COL7A1: variants seen among roughly 807,000 people sequenced by gnomAD.
COL7A1 encodes the protein collagen alpha-1(VII) chain.
A neutral mutation model predicts 456.2 loss-of-function variants in COL7A1; 296 were observed. The observed-to-expected ratio is 0.65, with a 90% confidence interval of 0.59 to 0.71. The LOEUF (loss-of-function observed/expected upper bound fraction) is 0.71. Ranked by LOEUF, COL7A1 falls within the 30% of genes least tolerant of loss-of-function variation. The probability of loss-of-function intolerance (pLI) is 0.00; values close to 1 mark genes in which losing one functional copy is unlikely to be tolerated. For missense variants in COL7A1, 3,441 were observed against 4,017.2 expected (o/e 0.86, Z 3.88); for synonymous variants, 1,464 against 1,525.9 (o/e 0.96, Z 0.95).
In COL7A1 at chr3:48,587,746, G is replaced by T. The variant is rs200080609; in HGVS notation, c.2857+47C>A. On this transcript the variant is annotated intron_variant, in intron 22 of 118. Transcript: ENST00000681320. This position sits in a 1 kb window ranked among gnomAD's most constrained non-coding sequence, Gnocchi z 6.1. ...CAGAGTCGGGGTGCAGGAAGTCAGG[G>T]TGGGTCATCAGCAGGGGAGGAGCAC... The T allele has an allele frequency of 6.2e-7, 1 of 1,613,260 alleles. No individual in the cohort carries two copies. Among genetic ancestry groups the T allele is most frequent in the Non-Finnish European group, 8.5e-7 (1 of 1,179,864 alleles).
intron 47 of COL7A1, 71 bp from the exon 48 acceptor site, chr3:48,582,014 G>A: frequency 6.2e-7 from 1 of 1,601,276 alleles, no homozygotes; most frequent in South Asian, 1.1e-5. Context: ...TCATTGGAAT[G>A]GAGGTCACAT....
In COL7A1 at chr3:48,571,210, G is replaced by C; in HGVS notation, c.7104+33C>G. ...CAAGCTCAGGGAGTCTCACGACCAG[G>C]ACCCCAGCAGGGACCCTTCTGGGTA... On this transcript the variant is annotated intron_variant, in intron 93 of 118. Transcript: ENST00000681320. The surrounding 1 kb of genome is among the most constrained non-coding windows in gnomAD (Gnocchi z 4.6). 1.2e-6 allele frequency: 2 copies of C among 1,614,092 alleles called. No homozygotes were observed. Among genetic ancestry groups the C allele is most frequent in the Non-Finnish European group, 1.7e-6 (2 of 1,180,028 alleles).
In COL7A1 at chr3:48,579,501, A is replaced by C; in HGVS notation, c.5250T>G (p.Phe1750Leu). The C allele has an allele frequency of 6.2e-7, 1 of 1,613,990 alleles. No individual in the cohort carries two copies. The highest frequency in any genetic ancestry group is 8.5e-7 in the Non-Finnish European group (1 of 1,180,008). The change falls in exon 60 of 119, where the codon TTT (phenylalanine) becomes TTG (leucine). Residue 1750 changes from phenylalanine (F) to leucine (L), a missense_variant. Physicochemically the swap from Phe to Leu is conservative, Grantham distance 22. Transcript: ENST00000681320. This position sits in a 1 kb window ranked among gnomAD's most constrained non-coding sequence, Gnocchi z 4.4. The stretch of plus-strand genomic sequence containing the variant: ...TCACCTGTGGGCCTGGGGGTCCCCG[A>C]AACCCTTCAATGCCCTGAGGATAGG... Reference protein sequence around the residue: ...GAPGERGIEGFRGPPGPQGDP... With the variant: ...GAPGERGIEGLRGPPGPQGDP...
At position 48,578,819 on chromosome 3, in the gene COL7A1, C is replaced by T. The variant is rs371994788; in HGVS notation, c.5424+100G>A. 2.0e-4 allele frequency: 263 copies of T among 1,298,314 alleles called. 1 individual carries two copies. In the Middle Eastern group the frequency reaches 3.7e-3, roughly 18 times the overall value. 80.4% of individuals were successfully genotyped at this position (1,298,314 alleles called of 1,614,324 possible). A position where few individuals can be genotyped will look rare whatever the true frequency, so the allele number is the denominator to read the frequency against. On this transcript the variant is annotated intron_variant, in intron 63 of 118. Coordinates refer to ENST00000681320, the MANE Select transcript of COL7A1 (RefSeq NM_000094.4). The surrounding 1 kb of genome is among the most constrained non-coding windows in gnomAD (Gnocchi z 4.7). ...GACCCTCCCAAAGGCAAGGCTGAAC[C>T]GACCCCCCACCAACTCTCTCGGATG...
intron 47 of COL7A1, 61 bp downstream of exon 47, chr3:48,582,262 A>G (rs201784901): frequency 3.5e-5 from 56 of 1,612,570 alleles, no homozygotes; most frequent in Non-Finnish European, 4.1e-5. Flanking sequence ...ATAGTGTTCT[A>G]TAGGAGGGTC....
At position 48,576,665 on chromosome 3, in the gene COL7A1, A is replaced by G. The variant is rs1427855770; in HGVS notation, c.5700+11T>C. On this transcript the variant is annotated intron_variant, in intron 68 of 118. Coordinates refer to ENST00000681320, the MANE Select transcript of COL7A1 (RefSeq NM_000094.4). ...ATGCTCTGAAGTCCCAGAATGACCCAGGACACTCACCTGGCCAGGAGGGCC... is the reference window on the plus strand; with the variant it reads ...ATGCTCTGAAGTCCCAGAATGACCCGGGACACTCACCTGGCCAGGAGGGCC... 1 of 1,601,850 alleles carries G rather than the reference A, an allele frequency of 6.2e-7. No individual in the cohort carries two copies. The highest frequency in any genetic ancestry group is 1.1e-5 in the South Asian group (1 of 89,478).
Position 48,594,354 on chromosome 3 carries a change from G to C in COL7A1, c.266+14C>G, listed in dbSNP as rs1411818749. 1 of 1,606,236 alleles carries C rather than the reference G, an allele frequency of 6.2e-7. No individual in the cohort carries two copies. Among genetic ancestry groups the C allele is most frequent in the Non-Finnish European group, 8.5e-7 (1 of 1,179,112 alleles). On this transcript the variant is annotated intron_variant, in intron 3 of 118. Transcript: ENST00000681320. This position sits in a 1 kb window ranked among gnomAD's most constrained non-coding sequence, Gnocchi z 5.5. ...GGGATCTCGTGGTCCCCAGCCCCCA[G>C]GGCCCCTACTCACCGTGGGTCATCG... is the stretch of plus-strand genomic sequence containing the variant.
At chr3:48,589,764 G>T (rs2045560281) in intron 16 of COL7A1, 46 bp from the exon 17 acceptor site, 1 of 1,613,538 alleles carries the variant, frequency 6.2e-7, no homozygotes, top group Middle Eastern at 1.7e-4. Context: ...AGGCAGGAAG[G>T]AGTGGGGCTA....
Position 48,594,958 on chromosome 3 carries a change from C to A in COL7A1, c.85+117G>T, listed in dbSNP as rs1226557771. The A allele has an allele frequency of 5.9e-6, 5 of 854,024 alleles. No homozygotes were observed. Among genetic ancestry groups the A allele is most frequent in the Non-Finnish European group, 9.3e-6 (5 of 540,538 alleles). The allele number at this position is 854,024 out of a possible 1,614,324, so 52.9% of individuals were successfully genotyped here. On this transcript the variant is annotated intron_variant, in intron 2 of 118. Coordinates refer to ENST00000681320, the MANE Select transcript of COL7A1 (RefSeq NM_000094.4). This position sits in a 1 kb window ranked among gnomAD's most constrained non-coding sequence, Gnocchi z 5.5. ...GAGTCCCAGAATTAGGAGGAATCCG[C>A]GGGGCGTCGTGGAGTTGGCTGGGTT...
In COL7A1 at chr3:48,594,240, G is replaced by T. The variant is rs1575496986; in HGVS notation, c.266+128C>A. ...TCTCCAAAGGAGGTCCTGGCTAGGGGGTCTCTAGGTTCCCCAAAACTTGTT... is the reference window on the plus strand; with the variant it reads ...TCTCCAAAGGAGGTCCTGGCTAGGGTGTCTCTAGGTTCCCCAAAACTTGTT... On this transcript the variant is annotated intron_variant, in intron 3 of 118. Coordinates refer to ENST00000681320, the MANE Select transcript of COL7A1 (RefSeq NM_000094.4). This position sits in a 1 kb window ranked among gnomAD's most constrained non-coding sequence, Gnocchi z 5.5. The T allele has an allele frequency of 1.9e-6, 2 of 1,074,588 alleles. No homozygotes were observed. The highest frequency in any genetic ancestry group is 2.4e-5 in the East Asian group (1 of 41,946). The allele number at this position is 1,074,588 out of a possible 1,614,324, so 66.6% of individuals were successfully genotyped here. A position where few individuals can be genotyped will look rare whatever the true frequency, so the allele number is the denominator to read the frequency against.
chr3:48,593,456 C>T lies in COL7A1; in HGVS notation c.427-7G>A. Reference sequence around the variant, plus strand: ...CTGTGATCAGGATGCAGACCTGGGACAGGTGCAGGGGTCAAATCACGGTTC... The same window carrying T: ...CTGTGATCAGGATGCAGACCTGGGATAGGTGCAGGGGTCAAATCACGGTTC... On this transcript the variant is annotated splice_polypyrimidine_tract_variant and splice_region_variant and intron_variant, in intron 4 of 118. Coordinates refer to ENST00000681320, the MANE Select transcript of COL7A1 (RefSeq NM_000094.4). The surrounding 1 kb of genome is among the most constrained non-coding windows in gnomAD (Gnocchi z 4.4). The T allele has an allele frequency of 6.2e-7, 1 of 1,614,094 alleles. No individual in the cohort carries two copies. Among genetic ancestry groups the T allele is most frequent in the Non-Finnish European group, 8.5e-7 (1 of 1,180,034 alleles).
Position 48,583,684 on chromosome 3 carries a change from C to T in COL7A1, c.4341+34G>A, listed in dbSNP as rs1372332100. 1.2e-6 allele frequency: 2 copies of T among 1,613,780 alleles called. No individual in the cohort carries two copies. Among genetic ancestry groups the T allele is most frequent in the Non-Finnish European group, 1.7e-6 (2 of 1,179,876 alleles). ...GCCCCCAGCACGCAGCCTCCCACCCCAGAACTGGGACATCATCAAGTCAGC... is the reference window on the plus strand; with the variant it reads ...GCCCCCAGCACGCAGCCTCCCACCCTAGAACTGGGACATCATCAAGTCAGC... On this transcript the variant is annotated intron_variant, in intron 40 of 118. Coordinates refer to ENST00000681320, the MANE Select transcript of COL7A1 (RefSeq NM_000094.4). This position sits in a 1 kb window ranked among gnomAD's most constrained non-coding sequence, Gnocchi z 5.1.
chr3:48,565,936 CAG>C lies in COL7A1; in HGVS notation c.8408-270_8408-269del, dbSNP rs1038298104. On this transcript the variant is annotated intron_variant, in intron 114 of 118. Transcript: ENST00000681320. This position sits in a 1 kb window ranked among gnomAD's most constrained non-coding sequence, Gnocchi z 4.5. ...CACAGAAACAGGCAGGTGGTGCAGA[CAG>C]AGACGGGAAGAGACAGCTTCACTCT... 1.3e-5 allele frequency among the ~76,000 whole-genome samples: 2 copies of C among 152,156 alleles called. No homozygotes were observed. The highest frequency in any genetic ancestry group is 2.9e-5 in the Non-Finnish European group (2 of 68,024).
At position 48,575,197 on chromosome 3, in the gene COL7A1, C is replaced by A. The variant is rs769882067; in HGVS notation, c.6216+10G>T. The A allele has an allele frequency of 2.2e-5, 35 of 1,613,900 alleles. No homozygotes were observed. The highest frequency in any genetic ancestry group is 2.8e-5 in the Non-Finnish European group (33 of 1,179,992). ...AGACAGCCTGCCCCACGAAGCCCATCGCAGCCCACCTGTTCTCCACGTTCT... is the reference window on the plus strand; with the variant it reads ...AGACAGCCTGCCCCACGAAGCCCATAGCAGCCCACCTGTTCTCCACGTTCT... On this transcript the variant is annotated intron_variant, in intron 75 of 118. Coordinates refer to ENST00000681320, the MANE Select transcript of COL7A1 (RefSeq NM_000094.4). This position sits in a 1 kb window ranked among gnomAD's most constrained non-coding sequence, Gnocchi z 6.3.
In COL7A1 at chr3:48,569,439, C is replaced by T. The variant is rs373917369; in HGVS notation, c.7622G>A (p.Arg2541Gln). ...GTCACCATCCAAGCCCCGAGGCCCTCGTTCACCCTGGGTTGGTTTGGGTAA... is the reference window on the plus strand; with the variant it reads ...GTCACCATCCAAGCCCCGAGGCCCTTGTTCACCCTGGGTTGGTTTGGGTAA... ...PRGAKGDMGE[R>Q]GPRGLDGDKG... The change falls in exon 103 of 119, where the codon CGA becomes CAA. Residue 2541 changes from arginine (R) to glutamine (Q), a missense_variant. By Grantham distance (43) the Arg-to-Gln change is conservative (BLOSUM62 1). This residue lies in a region of COL7A1 where 2,084 missense variants were observed against 2,501.3 expected (regional missense o/e 0.83). Transcript: ENST00000681320. The surrounding 1 kb of genome is among the most constrained non-coding windows in gnomAD (Gnocchi z 4.9). 5.6e-6 allele frequency: 9 copies of T among 1,614,080 alleles called. No individual in the cohort carries two copies. Among genetic ancestry groups the T allele is most frequent in the Middle Eastern group, 1.6e-4 (1 of 6,082 alleles).
At position 48,568,626 on chromosome 3, in the gene COL7A1, G is replaced by T. The variant is rs2043725710; in HGVS notation, c.7759-92C>A. ...TGTGTGGCCACTCAGATGCTCAGCG[G>T]CCAGGGCCCAGGCCACACACAGATC... On this transcript the variant is annotated intron_variant, in intron 104 of 118. Transcript: ENST00000681320. This position sits in a 1 kb window ranked among gnomAD's most constrained non-coding sequence, Gnocchi z 5.2. The T allele has an allele frequency of 4.6e-6, 7 of 1,513,236 alleles. No homozygotes were observed. Among genetic ancestry groups the T allele is most frequent in the Non-Finnish European group, 6.3e-6 (7 of 1,112,978 alleles). 93.7% of individuals were successfully genotyped at this position (1,513,236 alleles called of 1,614,324 possible).
At position 48,581,918 on chromosome 3, in the gene COL7A1, C is replaced by T. The variant is rs2107715075; in HGVS notation, c.4661G>A (p.Gly1554Glu). The T allele has an allele frequency of 6.2e-7, 1 of 1,614,068 alleles. No individual in the cohort carries two copies. Among genetic ancestry groups the T allele is most frequent in the Admixed American group, 1.7e-5 (1 of 60,028 alleles). ...VVGPAVAGPK[G>E]EKGDVGPAGP... ...GCCCCATACCAGGCTTACCTTTTCT[C>T]CTTTGGGTCCAGCAACAGCAGGTCC... Residue 1554 changes from glycine (G) to glutamate (E), a missense_variant, in exon 48 of 119, where the codon GGA becomes GAA. Physicochemically the swap from Gly to Glu is moderately conservative, Grantham distance 98 (BLOSUM62 -2). Coordinates refer to ENST00000681320, the MANE Select transcript of COL7A1 (RefSeq NM_000094.4). The surrounding 1 kb of genome is among the most constrained non-coding windows in gnomAD (Gnocchi z 5.8).
In COL7A1 at chr3:48,578,983, A is replaced by G. The variant is rs780211193; in HGVS notation, c.5389-29T>C. ...AGGAGAGACTCAAAGTCAGTTCATCATGGTCATGGGGTCAGGGGCTCTAGT... is the reference window on the plus strand; with the variant it reads ...AGGAGAGACTCAAAGTCAGTTCATCGTGGTCATGGGGTCAGGGGCTCTAGT... On this transcript the variant is annotated intron_variant, in intron 62 of 118. Transcript: ENST00000681320. This position sits in a 1 kb window ranked among gnomAD's most constrained non-coding sequence, Gnocchi z 4.7. 2 of 1,613,862 alleles carry G rather than the reference A, an allele frequency of 1.2e-6. No homozygotes were observed. The highest frequency in any genetic ancestry group is 1.1e-5 in the South Asian group (1 of 91,082).
In COL7A1 at chr3:48,568,002, C is replaced by T. The variant is rs1575419637; in HGVS notation, c.7875+88G>A. On this transcript the variant is annotated intron_variant, in intron 106 of 118. Coordinates refer to ENST00000681320, the MANE Select transcript of COL7A1 (RefSeq NM_000094.4). This position sits in a 1 kb window ranked among gnomAD's most constrained non-coding sequence, Gnocchi z 5.2. ...GCCTCAGCTACTCCAACCTCTGACC[C>T]AGTGCCCTAATATCTGACCCCAGGT... is the stretch of plus-strand genomic sequence containing the variant. The T allele has an allele frequency of 3.1e-6, 5 of 1,599,400 alleles. No homozygotes were observed. Among genetic ancestry groups the T allele is most frequent in the Non-Finnish European group, 3.4e-6 (4 of 1,166,900 alleles).
Sources: allele counts gnomAD v4.1 joint callset (sites outside exome capture counted in the v4.1 genomes callset), GRCh38; gene constraint gnomAD v4.1.1; regional missense constraint gnomAD v4.1.1; non-coding constraint Gnocchi (gnomAD v3.1); transcripts MANE v1.5; gene names NCBI Gene and HGNC (gene_info 2026-07-23, HGNC 2026-07-21).